The following FBXL17 variants were observed in gnomAD, a reference collection of about 807,000 sequenced individuals.
FBXL17 encodes F-box/LRR-repeat protein 17.
A neutral mutation model predicts 66.2 loss-of-function variants in FBXL17; 22 were observed. The observed-to-expected ratio is 0.33, with a 90% confidence interval of 0.24 to 0.47. The LOEUF (loss-of-function observed/expected upper bound fraction) is 0.47, where lower values mean the gene tolerates loss of function less well. Ranked by LOEUF, FBXL17 falls within the 20% of genes least tolerant of loss-of-function variation. The pLI is 1.00. For synonymous variants in FBXL17, 474 were observed against 400.5 expected, an observed-to-expected ratio of 1.18 and a Z score of -2.19; for missense variants, 878 against 948.2, an observed-to-expected ratio of 0.93 and a Z score of 0.97.
intron 6 of FBXL17, among the ~76,000 whole-genome samples, chr5:108,085,840 C>T (rs1344723019): frequency 6.6e-6 from 1 of 152,108 alleles, no homozygotes; most frequent in Non-Finnish European, 1.5e-5. Context: ...GGGAGGATCA[C>T]TTGAGACTGG....
chr5:108,314,162 C>T (rs1261800071), intron 4 of FBXL17, among the ~76,000 whole-genome samples: 1 of 151,616 alleles, frequency 6.6e-6, no homozygotes, highest in Non-Finnish European at 1.5e-5. Context: ...TTTAATACTA[C>T]CAATATTTAA....
intron 7 of FBXL17, among the ~76,000 whole-genome samples, chr5:107,903,883 T>G (rs1040446472): frequency 3.3e-5 from 5 of 152,172 alleles, no homozygotes; most frequent in Admixed American, 1.3e-4. Flanking sequence ...ATTTCTCAAG[T>G]GCTTTTTTCT....
At chr5:108,334,164 T>A (rs1019581285) in intron 4 of FBXL17, among the ~76,000 whole-genome samples, 1 of 152,248 alleles carries the variant, frequency 6.6e-6, no homozygotes, top group South Asian at 2.1e-4. Context: ...AAAAAATAAA[T>A]AAACACCTAA....
chr5:108,042,475 T>C (rs941776455), intron 6 of FBXL17, among the ~76,000 whole-genome samples: 1 of 151,854 alleles, frequency 6.6e-6, no homozygotes, highest in Admixed American at 6.6e-5. Flanking sequence ...ATTCCTACAA[T>C]TTTATCATTT....
At chr5:107,903,295 G>A (rs1205475523) in intron 7 of FBXL17, among the ~76,000 whole-genome samples, 1 of 152,024 alleles carries the variant, frequency 6.6e-6, no homozygotes, top group African/African-American at 2.4e-5. Context: ...AATTAATGAG[G>A]TATATTTATA....
chr5:108,230,633 G>A (rs904849041), intron 4 of FBXL17, among the ~76,000 whole-genome samples: 1 of 151,810 alleles, frequency 6.6e-6, no homozygotes, highest in African/African-American at 2.4e-5. Flanking sequence ...TACTGCTCGG[G>A]TGATGGGTGC....
intron 5 of FBXL17, among the ~76,000 whole-genome samples, chr5:108,210,646 T>C (rs1372044089): frequency 6.6e-6 from 1 of 152,226 alleles, no homozygotes; most frequent in Non-Finnish European, 1.5e-5. Flanking sequence ...AATCGTGAGT[T>C]CTAATTTGAT....
At chr5:108,107,454 T>A (rs1488594407) in intron 6 of FBXL17, among the ~76,000 whole-genome samples, 1 of 152,198 alleles carries the variant, frequency 6.6e-6, no homozygotes. Flanking sequence ...GTCTACATGA[T>A]CAGTCATTAA....
At chr5:107,972,457 T>C (rs979899621) in intron 7 of FBXL17, among the ~76,000 whole-genome samples, 2 of 152,198 alleles carry the variant, frequency 1.3e-5, no homozygotes, top group Admixed American at 1.3e-4. Context: ...ATTTTAAACA[T>C]CTTCAAAGTC....
intron 7 of FBXL17, among the ~76,000 whole-genome samples, chr5:107,966,287 G>A (rs1752135285): frequency 6.6e-6 from 1 of 152,070 alleles, no homozygotes. Flanking sequence ...GGAAGGGGCT[G>A]GGATATTACA....
At position 108,164,171 on chromosome 5, in the gene FBXL17, T is replaced by C. The variant is rs146825420; in HGVS notation, c.1745+21946A>G. The stretch of plus-strand genomic sequence containing the variant: ...CAAGGACACTGAAAGAAAGAAAATA[T>C]CAACAGGAAATAGGATAAGCACATA... On this transcript the variant is annotated intron_variant, in intron 6 of 8. Transcript: ENST00000542267. Among the ~76,000 whole-genome samples, 423 of 152,268 alleles carry C rather than the reference T, an allele frequency of 2.8e-3. 2 individuals carry two copies. Among genetic ancestry groups the C allele is most frequent in the Middle Eastern group, 0.024 (7 of 294 alleles).
intron 4 of FBXL17, among the ~76,000 whole-genome samples, chr5:108,225,877 T>G (rs1755078595): frequency 6.6e-6 from 1 of 152,206 alleles, no homozygotes; most frequent in Admixed American, 6.6e-5. Flanking sequence ...CTGATGATTC[T>G]TCTGGAAACA....
At position 108,063,199 on chromosome 5, in the gene FBXL17, CAA is replaced by C. The variant is rs1747991733; in HGVS notation, c.1746-42200_1746-42199del. On this transcript the variant is annotated intron_variant, in intron 6 of 8. Coordinates refer to ENST00000542267, the MANE Select transcript of FBXL17 (RefSeq NM_001163315.3). ...TGGAAAGCTGACATTCCTAAATGTA[CAA>C]AGAGGAGGCACTGTTGAACTCAGAG... Among the ~76,000 whole-genome samples the C allele has an allele frequency of 2.6e-5, 4 of 152,026 alleles. No homozygotes were observed. The South Asian group carries it at 8.3e-4, about 32-fold the overall frequency.
intron 5 of FBXL17, among the ~76,000 whole-genome samples, chr5:108,193,717 C>T (rs1389112224): frequency 7.2e-6 from 1 of 138,502 alleles, no homozygotes; most frequent in South Asian, 2.5e-4. Context: ...TTCACAGAGA[C>T]AACAGCAATT....
chr5:108,077,258 G>A (rs999898588), intron 6 of FBXL17, among the ~76,000 whole-genome samples: 3 of 152,136 alleles, frequency 2.0e-5, no homozygotes, highest in African/African-American at 7.2e-5. Context: ...CAATATTCTT[G>A]ATGCAAATAG....
chr5:107,917,182 T>G (rs181210434), intron 7 of FBXL17, among the ~76,000 whole-genome samples: 11 of 152,208 alleles, frequency 7.2e-5, no homozygotes, highest in Non-Finnish European at 1.0e-4. Context: ...CAGCAACTGT[T>G]AACTTGCTAG....
chr5:108,095,635 A>G (rs955523304), intron 6 of FBXL17, among the ~76,000 whole-genome samples: 7 of 152,140 alleles, frequency 4.6e-5, no homozygotes, highest in African/African-American at 1.7e-4. Flanking sequence ...TTGGTGTATT[A>G]GGAACATATA....
chr5:108,013,199 A>G (rs1346402513), intron 7 of FBXL17, among the ~76,000 whole-genome samples: 2 of 152,156 alleles, frequency 1.3e-5, no homozygotes, highest in African/African-American at 4.8e-5. Flanking sequence ...GTGATAACCC[A>G]AAGTAATATT....
intron 1 of FBXL17, among the ~76,000 whole-genome samples, chr5:108,373,297 AAT>A (rs1215950737): frequency 1.4e-5 from 2 of 144,922 alleles, no homozygotes; most frequent in Non-Finnish European, 3.0e-5. Context: ...ATATAAATAT[AAT>A]ATATATCTAA....
Sources: gnomAD v4.1 joint callset for allele counts (sites outside exome capture counted in the v4.1 genomes callset) on GRCh38, gnomAD v4.1.1 for gene constraint, MANE v1.5 for transcripts, NCBI Gene and HGNC (gene_info 2026-07-23, HGNC 2026-07-21) for gene names.